Variants in GLP1R observed in about 807,000 individuals in gnomAD.
GLP1R encodes glucagon-like peptide 1 receptor.
In GLP1R, 32 loss-of-function variants were observed where a neutral mutation model predicts 68.4. The observed-to-expected ratio is 0.47, with a 90% confidence interval of 0.35 to 0.63. GLP1R has a LOEUF of 0.63. Ranked by LOEUF, GLP1R falls within the 20% of genes least tolerant of loss-of-function variation. GLP1R has a pLI of 0.00. For synonymous variants in GLP1R, 263 were observed against 244.4 expected (o/e 1.08, Z -0.71); for missense variants, 502 against 594.9 (o/e 0.84, Z 1.62).
In GLP1R at chr6:39,079,554, T is replaced by C. The variant is rs1230954452; in HGVS notation, c.1044-10T>C. 2.5e-6 allele frequency: 4 copies of C among 1,584,268 alleles called. No homozygotes were observed. Among genetic ancestry groups the C allele is most frequent in the Non-Finnish European group, 3.4e-6 (4 of 1,167,810 alleles). Reference sequence around the variant, plus strand: ...CCAGAATGACTCGAGATCTCTGCCCTGCCCCTCAGACTTGCCAAGTCCACG... The same window carrying C: ...CCAGAATGACTCGAGATCTCTGCCCCGCCCCTCAGACTTGCCAAGTCCACG... On this transcript the variant is annotated splice_polypyrimidine_tract_variant and intron_variant, in intron 10 of 12. Transcript: ENST00000373256. The surrounding 1 kb of genome is among the most constrained non-coding windows in gnomAD (Gnocchi z 4.5).
intron 7 of GLP1R, among the ~76,000 whole-genome samples, chr6:39,077,654 C>T (rs1768866429): frequency 6.6e-6 from 1 of 152,210 alleles, no homozygotes; most frequent in Non-Finnish European, 1.5e-5. Context: ...AGGGTATGAG[C>T]ACAGGAGGTG....
chr6:39,067,231 T>C (rs183227951), intron 5 of GLP1R, among the ~76,000 whole-genome samples: 12 of 152,360 alleles, frequency 7.9e-5, no homozygotes, highest in African/African-American at 2.4e-4. Flanking sequence ...TGAGTAGCTA[T>C]AGAAATATAT....
chr6:39,052,561 T>G, intron 1 of GLP1R, among the ~76,000 whole-genome samples: 1 of 152,188 alleles, frequency 6.6e-6, no homozygotes, highest in East Asian at 1.9e-4. Flanking sequence ...TTATTCGCAC[T>G]GAGAAATAGG....
At chr6:39,084,146 T>A (rs2150839317) in intron 12 of GLP1R, among the ~76,000 whole-genome samples, 1 of 152,120 alleles carries the variant, frequency 6.6e-6, no homozygotes, top group South Asian at 2.1e-4. Context: ...TCAGGCCAGA[T>A]CTAGGTTCAA....
intron 3 of GLP1R, among the ~76,000 whole-genome samples, chr6:39,063,020 G>T (rs1768388685): frequency 6.6e-6 from 1 of 152,234 alleles, no homozygotes. Flanking sequence ...TGTGCCAGCT[G>T]TGGGAAGTGC....
rs367820489 is a variant in GLP1R at position 39,079,846 on chromosome 6, G to A, written c.1182+144G>A. 1.4e-6 allele frequency: 1 copy of A among 690,402 alleles called. No homozygotes were observed. The allele number at this position is 690,402 out of a possible 1,614,324, so 42.8% of individuals were successfully genotyped here. On this transcript the variant is annotated intron_variant, in intron 11 of 12. Coordinates refer to ENST00000373256, the MANE Select transcript of GLP1R (RefSeq NM_002062.5). This position sits in a 1 kb window ranked among gnomAD's most constrained non-coding sequence, Gnocchi z 4.5. ...TGCCCAAAGTCACCTAGTTGGAGCAGAGCCAGAACTAGTATCCCCAGGTGT... is the reference window on the plus strand; with the variant it reads ...TGCCCAAAGTCACCTAGTTGGAGCAAAGCCAGAACTAGTATCCCCAGGTGT...
In GLP1R at chr6:39,072,968, A is replaced by T. The variant is rs1364791940; in HGVS notation, c.616A>T (p.Ser206Cys). ...IKDAALKWMY[S>C]TAAQQHQWDG... ...GGACGCAGCCCTGAAGTGGATGTAT[A>T]GCACAGCCGCCCAGCAGCACCAGTG... The change falls in exon 6 of 13, where the codon AGC becomes TGC. Residue 206 changes from serine (S) to cysteine (C), a missense_variant. By Grantham distance (112) the Ser-to-Cys change is moderately radical. Transcript: ENST00000373256. The T allele has an allele frequency of 6.2e-7, 1 of 1,614,064 alleles. No homozygotes were observed. The highest frequency in any genetic ancestry group is 2.2e-5 in the East Asian group (1 of 44,900).
rs79803808 is a variant in GLP1R, at chr6:39,077,116, G to A, written c.824-1206G>A. Reference sequence around the variant, plus strand: ...TGTTATCTCACAGTTCCTGTGGCCTGCAATCTCGGTTCAACTTAGCTGGGT... The same window carrying A: ...TGTTATCTCACAGTTCCTGTGGCCTACAATCTCGGTTCAACTTAGCTGGGT... On this transcript the variant is annotated intron_variant, in intron 7 of 12. Transcript: ENST00000373256. 2.9e-3 allele frequency among the ~76,000 whole-genome samples: 440 copies of A among 152,306 alleles called. 2 individuals carry two copies. Among genetic ancestry groups the A allele is most frequent in the Middle Eastern group, 0.014 (4 of 294 alleles).
intron 3 of GLP1R, among the ~76,000 whole-genome samples, chr6:39,063,617 G>C (rs1768409358): frequency 6.6e-6 from 1 of 152,116 alleles, no homozygotes; most frequent in South Asian, 2.1e-4. Context: ...GTGTCTTGAA[G>C]GGGGACCTGG....
At position 39,048,925 on chromosome 6, in the gene GLP1R, TC is replaced by T; in HGVS notation, c.78+9del. ...GGCCGGCCCCCGCCCCCAGGTGAGA[TC>T]CAGGGACCCCGACGACACCGGGGGA... On this transcript the variant is annotated splice_region_variant and intron_variant, in intron 1 of 12. Coordinates refer to ENST00000373256, the MANE Select transcript of GLP1R (RefSeq NM_002062.5). 7.6e-7 allele frequency: 1 copy of T among 1,307,934 alleles called. No individual in the cohort carries two copies. Among genetic ancestry groups the T allele is most frequent in the Non-Finnish European group, 1.0e-6 (1 of 992,380 alleles). 81.0% of individuals were successfully genotyped at this position (1,307,934 alleles called of 1,614,324 possible).
rs760957375 is a variant in GLP1R, at chr6:39,089,980, G to A, written c.*3907G>A. Among the ~76,000 whole-genome samples the A allele has an allele frequency of 6.6e-5, 10 of 152,182 alleles. No homozygotes were observed. Among genetic ancestry groups the A allele is most frequent in the Non-Finnish European group, 1.2e-4 (8 of 68,038 alleles). On this transcript the variant is annotated 3_prime_UTR_variant, in exon 13 of 13. Coordinates refer to ENST00000373256, the MANE Select transcript of GLP1R (RefSeq NM_002062.5). This position sits in a 1 kb window ranked among gnomAD's most constrained non-coding sequence, Gnocchi z 4.1. ...CTGCAAAGACACCTGTGTGAATGACGTGCTAAACATTCAGCAGAAACCAAA... is the reference window on the plus strand; with the variant it reads ...CTGCAAAGACACCTGTGTGAATGACATGCTAAACATTCAGCAGAAACCAAA...
In GLP1R at chr6:39,086,166, GACACACACACACAC is replaced by G. The variant is rs34093988; in HGVS notation, c.*119_*132del. On this transcript the variant is annotated 3_prime_UTR_variant, in exon 13 of 13. Transcript: ENST00000373256. This position sits in a 1 kb window ranked among gnomAD's most constrained non-coding sequence, Gnocchi z 4.5. ...ACTCCCAGGGACAAGGGAAGGAAGG[GACACACACACACAC>G]ACACACACACACACACACACACACA... 257 of 582,836 alleles carry G rather than the reference GACACACACACACAC, an allele frequency of 4.4e-4. No individual in the cohort carries two copies. Among genetic ancestry groups the G allele is most frequent in the Admixed American group, 1.3e-3 (46 of 36,596 alleles). The allele number at this position is 582,836 out of a possible 1,614,324, so 36.1% of individuals were successfully genotyped here.
chr6:39,080,630 C>G, intron 11 of GLP1R, 68 bp from the exon 12 acceptor site: 2 of 1,111,732 alleles, frequency 1.8e-6, no homozygotes, highest in Non-Finnish European at 2.6e-6. Flanking sequence ...AAAGTGCTTC[C>G]GACCAGGGCC....
At position 39,061,122 on chromosome 6, in the gene GLP1R, G is replaced by T. The variant is rs552834463; in HGVS notation, c.283+3543G>T. ...GCCAGGCCACGGGCCTCGGAACTACGCAGTGTCCTGGAGAAGCCAGCCAAG... is the reference window on the plus strand; with the variant it reads ...GCCAGGCCACGGGCCTCGGAACTACTCAGTGTCCTGGAGAAGCCAGCCAAG... On this transcript the variant is annotated intron_variant, in intron 3 of 12. Coordinates refer to ENST00000373256, the MANE Select transcript of GLP1R (RefSeq NM_002062.5). 3.9e-5 allele frequency among the ~76,000 whole-genome samples: 6 copies of T among 152,366 alleles called. No individual in the cohort carries two copies. The East Asian group carries it at 7.7e-4, about 20-fold the overall frequency.
At chr6:39,070,275 G>A (rs1768625287) in intron 5 of GLP1R, among the ~76,000 whole-genome samples, 2 of 152,220 alleles carry the variant, frequency 1.3e-5, no homozygotes, top group South Asian at 4.1e-4. Context: ...TTATGTTTGT[G>A]TGAGATTCAT....
rs868577885 is a variant in GLP1R, at chr6:39,085,997, C to T, written c.1316C>T (p.Pro439Leu). Residue 439 changes from proline (P) to leucine (L), a missense_variant, in exon 13 of 13, where the codon CCC becomes CTC. Transcript: ENST00000373256. ...RDSSMKPLKC[P>L]TSSLSSGATA... The stretch of plus-strand genomic sequence containing the variant: ...AGCAGCATGAAGCCCCTCAAGTGTC[C>T]CACCAGCAGCCTGAGCAGTGGAGCC... 6.2e-7 allele frequency: 1 copy of T among 1,614,006 alleles called. No homozygotes were observed. Among genetic ancestry groups the T allele is most frequent in the Non-Finnish European group, 8.5e-7 (1 of 1,179,930 alleles).
rs1768241513 is a variant in GLP1R at position 39,057,464 on chromosome 6, G to C, written c.176-8G>C. On this transcript the variant is annotated splice_region_variant and splice_polypyrimidine_tract_variant and intron_variant, in intron 2 of 12. Coordinates refer to ENST00000373256, the MANE Select transcript of GLP1R (RefSeq NM_002062.5). ...CAGGGACTCAGAGACTGTTCTTTCT[G>C]CTCCCAGACTTGTTCTGCAACCGGA... The C allele has an allele frequency of 6.3e-7, 1 of 1,587,856 alleles. No individual in the cohort carries two copies. The highest frequency in any genetic ancestry group is 8.6e-7 in the Non-Finnish European group (1 of 1,156,478).
intron 1 of GLP1R, among the ~76,000 whole-genome samples, chr6:39,050,815 AAG>A (rs1180152571): frequency 3.3e-5 from 5 of 152,184 alleles, no homozygotes; most frequent in African/African-American, 1.2e-4. Flanking sequence ...AGCTCAGAAA[AAG>A]AGGGTCCCCT....
In GLP1R at chr6:39,065,761, CAGA is replaced by C. The variant is rs1768487451; in HGVS notation, c.337_339del (p.Lys113del). On this transcript the variant is annotated inframe_deletion, in exon 4 of 13. Transcript: ENST00000373256. ...CTGCACAGCTGAAGGCCTCTGGCTG[CAGA>C]AGGACAACTCCAGCCTGCCCTGGAG... 6.3e-7 allele frequency: 1 copy of C among 1,587,464 alleles called. No individual in the cohort carries two copies. Among genetic ancestry groups the C allele is most frequent in the Admixed American group, 1.8e-5 (1 of 55,738 alleles).
Sources: allele counts gnomAD v4.1 joint callset (sites outside exome capture counted in the v4.1 genomes callset), GRCh38; gene constraint gnomAD v4.1.1; non-coding constraint Gnocchi (gnomAD v3.1); transcripts MANE v1.5; gene names NCBI Gene and HGNC (gene_info 2026-07-23, HGNC 2026-07-21).